Variants in SPATS2 observed in about 807,000 individuals in gnomAD.
SPATS2 encodes spermatogenesis-associated serine-rich protein 2.
In SPATS2, 38 loss-of-function variants were observed where a neutral mutation model predicts 63.7. The observed-to-expected ratio is 0.60, with a 90% CI of 0.46 to 0.78. SPATS2 has a LOEUF of 0.78. SPATS2 is among the 30% of genes least tolerant of loss of function. The pLI is 0.00. For synonymous variants in SPATS2, 207 were observed against 232.9 expected, an observed-to-expected ratio of 0.89 and a Z score of 1.01; for missense variants, 588 against 666.2, an observed-to-expected ratio of 0.88 and a Z score of 1.29.
chr12:49,367,900 A>G (rs1464849514), intron 1 of SPATS2, among the ~76,000 whole-genome samples: 1 of 152,146 alleles, frequency 6.6e-6, no homozygotes, highest in Non-Finnish European at 1.5e-5. Flanking sequence ...AACGAGCGAG[A>G]TAGAACGAAA....
intron 2 of SPATS2, among the ~76,000 whole-genome samples, chr12:49,399,764 G>A (rs1034069400): frequency 2.0e-5 from 3 of 152,206 alleles, no homozygotes; most frequent in African/African-American, 4.8e-5. Flanking sequence ...ATGGCCAGGC[G>A]CGGTGGCTCA....
At chr12:49,472,815 G>A (rs1426698232) in intron 3 of SPATS2, among the ~76,000 whole-genome samples, 2 of 146,772 alleles carry the variant, frequency 1.4e-5, no homozygotes, top group African/African-American at 5.0e-5. Context: ...TGAGGTGGTC[G>A]GATCCCTTGA....
At chr12:49,520,454 TCCC>T (rs1437210766) in intron 11 of SPATS2, among the ~76,000 whole-genome samples, 2 of 152,024 alleles carry the variant, frequency 1.3e-5, no homozygotes, top group Non-Finnish European at 2.9e-5. Flanking sequence ...CTTCCTGACT[TCCC>T]CATCATATCT....
At position 49,459,914 on chromosome 12, in the gene SPATS2, C is replaced by T. The variant is rs557219652; in HGVS notation, c.-243-856C>T. The stretch of plus-strand genomic sequence containing the variant: ...AGCCTGGTCAAGAGACTAGCCTGGC[C>T]AATATGGTGAAACCCTGTCTCTACT... On this transcript the variant is annotated intron_variant, in intron 2 of 13. Coordinates refer to ENST00000552918, the MANE Select transcript of SPATS2 (RefSeq NM_023071.4). Among the ~76,000 whole-genome samples, 62 of 131,614 alleles carry T rather than the reference C, an allele frequency of 4.7e-4. No individual in the cohort carries two copies. In the South Asian group the frequency reaches 0.013, roughly 27 times the overall value. The allele number at this position is 131,614 out of a possible 152,430, so 86.3% of individuals were successfully genotyped here.
intron 4 of SPATS2, among the ~76,000 whole-genome samples, chr12:49,488,942 TTAA>T (rs997240565): frequency 1.4e-4 from 22 of 152,322 alleles, no homozygotes; most frequent in African/African-American, 5.1e-4. Context: ...TTATTTTGTT[TTAA>T]TAAACTCAGT....
At chr12:49,512,696 G>C (rs1257147794) in intron 9 of SPATS2, among the ~76,000 whole-genome samples, 1 of 152,164 alleles carries the variant, frequency 6.6e-6, no homozygotes, top group African/African-American at 2.4e-5. Flanking sequence ...CTTGTTTGCT[G>C]TAGTCTTTTA....
upstream of SPATS2, chr12:49,366,881 G>T (rs1381415245): frequency 6.6e-6 from 1 of 151,810 alleles, no homozygotes. Context: ...CGGGCCCTCC[G>T]TTCCCGGCGC....
chr12:49,519,148 A>G lies in SPATS2; in HGVS notation c.974A>G (p.Glu325Gly). The change falls in exon 11 of 14, where the codon GAG becomes GGG. Residue 325 changes from glutamate to glycine, a missense_variant. Glu to Gly is a moderately conservative substitution (Grantham distance 98). Coordinates refer to ENST00000552918, the MANE Select transcript of SPATS2 (RefSeq NM_023071.4). ...KMTHVAVQMS[E>G]QQLVELRADI... ...ACTCATGTGGCTGTTCAAATGTCAG[A>G]GCAGCAATTGGTTGAGCTCAGAGCT... The G allele has an allele frequency of 6.2e-7, 1 of 1,614,126 alleles. No homozygotes were observed. The highest frequency in any genetic ancestry group is 1.7e-5 in the Admixed American group (1 of 60,020).
At chr12:49,402,049 T>C (rs532951318) in intron 2 of SPATS2, among the ~76,000 whole-genome samples, 18 of 152,242 alleles carry the variant, frequency 1.2e-4, no homozygotes, top group Non-Finnish European at 2.4e-4. Flanking sequence ...CAAACACGGC[T>C]CATCGCAGCC....
chr12:49,484,451 A>T, intron 3 of SPATS2, 139 bp from the exon 4 acceptor site: 1 of 641,206 alleles, frequency 1.6e-6, no homozygotes, highest in Non-Finnish European at 2.7e-6. Flanking sequence ...TATGTTATCT[A>T]TGTAACAGAA....
intron 3 of SPATS2, among the ~76,000 whole-genome samples, chr12:49,483,726 A>G (rs998574887): frequency 6.6e-6 from 1 of 152,160 alleles, no homozygotes; most frequent in African/African-American, 2.4e-5. Flanking sequence ...TTGAAATTCT[A>G]ACTCCTAAGC....
chr12:49,482,851 C>T (rs886076138), intron 3 of SPATS2, among the ~76,000 whole-genome samples: 1 of 151,964 alleles, frequency 6.6e-6, no homozygotes, highest in African/African-American at 2.4e-5. Flanking sequence ...TGCAGTGGTG[C>T]ATTCACGACT....
At chr12:49,502,675 T>TC (rs1946585104) in intron 9 of SPATS2, among the ~76,000 whole-genome samples, 1 of 152,204 alleles carries the variant, frequency 6.6e-6, no homozygotes, top group Non-Finnish European at 1.5e-5. Flanking sequence ...CAGGCTGGTC[T>TC]CCAATTCCTG....
At chr12:49,452,385 T>C (rs1945638792) in intron 2 of SPATS2, among the ~76,000 whole-genome samples, 1 of 152,230 alleles carries the variant, frequency 6.6e-6, no homozygotes, top group Non-Finnish European at 1.5e-5. Flanking sequence ...GCTCAAGCCA[T>C]CCTCCTACCT....
intron 2 of SPATS2, among the ~76,000 whole-genome samples, chr12:49,449,431 A>G (rs936502371): frequency 1.3e-5 from 2 of 151,918 alleles, no homozygotes. Context: ...GGTTAGGCTG[A>G]TCTCGAACTC....
At position 49,413,999 on chromosome 12, in the gene SPATS2, A is replaced by G. The variant is rs528465211; in HGVS notation, c.-244+42709A>G. Among the ~76,000 whole-genome samples, 13 of 152,342 alleles carry G rather than the reference A, an allele frequency of 8.5e-5. No homozygotes were observed. In the South Asian group the frequency reaches 2.1e-3, roughly 24 times the overall value. ...CCCTACTGCCTAGGAATGATCCTCC[A>G]TAGCTCTTGGTCTGCCTTTTGAATT... On this transcript the variant is annotated intron_variant, in intron 2 of 13. Coordinates refer to ENST00000552918, the MANE Select transcript of SPATS2 (RefSeq NM_023071.4).
Position 49,504,770 on chromosome 12 carries a change from CT to C in SPATS2, c.839+4585del, listed in dbSNP as rs745453843. On this transcript the variant is annotated intron_variant, in intron 9 of 13. Transcript: ENST00000552918. ...TCCTGTTTCTTTTCTTTCTTTCTTT[CT>C]TTTTTTTTTTTTTTTTTTTAAGACA... Among the ~76,000 whole-genome samples the C allele has an allele frequency of 1.5e-3, 149 of 98,836 alleles. No homozygotes were observed. The Middle Eastern group carries it at 0.042, about 28-fold the overall frequency. 64.8% of individuals were successfully genotyped at this position (98,836 alleles called of 152,430 possible). A position where few individuals can be genotyped will look rare whatever the true frequency, so the allele number is the denominator to read the frequency against.
intron 2 of SPATS2, among the ~76,000 whole-genome samples, chr12:49,387,638 CA>C (rs35910147): frequency 0.16 from 10,790 of 66,172 alleles, 532 homozygotes; most frequent in African/African-American, 0.27. Context: ...GACTCTGTCT[CA>C]AAAAAAAAAA....
chr12:49,493,642 A>G (rs1946420285), intron 6 of SPATS2, among the ~76,000 whole-genome samples: 1 of 152,104 alleles, frequency 6.6e-6, no homozygotes, highest in African/African-American at 2.4e-5. Context: ...ACCTCAGGTG[A>G]TCCACCTACC....
Sources: gnomAD v4.1 joint callset for allele counts (sites outside exome capture counted in the v4.1 genomes callset) on GRCh38, gnomAD v4.1.1 for gene constraint, MANE v1.5 for transcripts, NCBI Gene and HGNC (gene_info 2026-07-23, HGNC 2026-07-21) for gene names.